The following NBAS variants were observed in gnomAD, a reference collection of about 807,000 sequenced individuals.
NBAS encodes the protein NBAS subunit of NRZ tethering complex.
Under a neutral mutation model 302.5 loss-of-function variants are expected in NBAS, and 219 were observed. The observed-to-expected ratio is 0.72, with a 90% CI of 0.65 to 0.81. NBAS has a LOEUF of 0.81. Among genes scored for constraint, NBAS ranks in the 30% least tolerant of loss-of-function variants. The pLI is 0.00. For missense variants in NBAS, 2,932 were observed against 2,841.6 expected (o/e 1.03, Z -0.72); for synonymous variants, 1,118 against 1,021.6 (o/e 1.09, Z -1.80).
the NBAS span, among the ~76,000 whole-genome samples, chr2:14,893,882 C>A: frequency 6.6e-6 from 1 of 152,292 alleles, no homozygotes; most frequent in African/African-American, 2.4e-5. Context: ...CCATTGTTGC[C>A]AGTCTTTGCA....
chr2:15,221,057 A>G lies in NBAS; in HGVS notation c.6237-2089T>C, dbSNP rs188180283. On this transcript the variant is annotated intron_variant, in intron 47 of 51. Coordinates refer to ENST00000281513, the MANE Select transcript of NBAS (RefSeq NM_015909.4). Reference sequence around the variant, plus strand: ...CATAAATTTAGCAACTCAGTTGTTAATTTTACCTATAAGATTCCTAAATAT... The same window carrying G: ...CATAAATTTAGCAACTCAGTTGTTAGTTTTACCTATAAGATTCCTAAATAT... Among the ~76,000 whole-genome samples, 46 of 152,328 alleles carry G rather than the reference A, an allele frequency of 3.0e-4. 1 individual carries two copies. In the East Asian group the frequency reaches 8.5e-3, roughly 28 times the overall value.
intron 48 of NBAS, among the ~76,000 whole-genome samples, chr2:15,217,321 T>G (rs1388265795): frequency 6.6e-6 from 1 of 152,216 alleles, no homozygotes; most frequent in Non-Finnish European, 1.5e-5. Flanking sequence ...CTTTTTTGAA[T>G]CTCAATTTCT....
At chr2:14,938,380 A>G in the NBAS span, among the ~76,000 whole-genome samples, 1 of 152,216 alleles carries the variant, frequency 6.6e-6, no homozygotes, top group Admixed American at 6.5e-5. Flanking sequence ...TCAAGCAGGG[A>G]TGATTATGTC....
the NBAS span, among the ~76,000 whole-genome samples, chr2:14,970,756 C>T: frequency 6.6e-6 from 1 of 152,226 alleles, no homozygotes; most frequent in African/African-American, 2.4e-5. Context: ...GACAAGTCAA[C>T]TGTACCTTTT....
the NBAS span, among the ~76,000 whole-genome samples, chr2:15,157,754 T>C: frequency 1.3e-5 from 2 of 152,242 alleles, no homozygotes; most frequent in Middle Eastern, 3.4e-3. Context: ...AGGAACATCA[T>C]GGAAAGAAGA....
the NBAS span, among the ~76,000 whole-genome samples, chr2:15,153,793 T>A: frequency 5.9e-5 from 9 of 152,254 alleles, no homozygotes; most frequent in Non-Finnish European, 8.8e-5. Flanking sequence ...CCTCTTTCTA[T>A]GTAAAATGAA....
At chr2:14,870,638 GA>G in the NBAS span, among the ~76,000 whole-genome samples, 54 of 142,874 alleles carry the variant, frequency 3.8e-4, no homozygotes, top group African/African-American at 8.7e-4. Context: ...TCCTAGGAGT[GA>G]AAAAAAAAAG....
chr2:15,371,806 G>A (rs1674498862), intron 31 of NBAS, among the ~76,000 whole-genome samples: 1 of 152,178 alleles, frequency 6.6e-6, no homozygotes, highest in Admixed American at 6.5e-5. Context: ...AACAGAGGCT[G>A]AGGAGGGAGG....
chr2:15,097,934 C>CATATAGATTATATTGTATATAAT, the NBAS span, among the ~76,000 whole-genome samples: 1 of 10,302 alleles, frequency 9.7e-5, no homozygotes, highest in Non-Finnish European at 2.5e-4. Flanking sequence ...ATATATATTA[C>CATATAGATTATATTGTATATAAT]ATATATATTA....
chr2:15,208,328 C>T lies in NBAS; in HGVS notation c.6432+10445G>A, dbSNP rs536342151. On this transcript the variant is annotated intron_variant, in intron 48 of 51. Transcript: ENST00000281513. Reference sequence around the variant, plus strand: ...CACGAGAACAGTATGGGGGAAAGTGCCCCCGTGATTCAATTATCTTCCACT... The same window carrying T: ...CACGAGAACAGTATGGGGGAAAGTGTCCCCGTGATTCAATTATCTTCCACT... 8.5e-5 allele frequency among the ~76,000 whole-genome samples: 13 copies of T among 152,178 alleles called. No individual in the cohort carries two copies. In the South Asian group the frequency reaches 2.3e-3, roughly 27 times the overall value.
chr2:15,146,719 G>A, the NBAS span, among the ~76,000 whole-genome samples: 1 of 152,102 alleles, frequency 6.6e-6, no homozygotes, highest in Non-Finnish European at 1.5e-5. Flanking sequence ...ACATGGCAGA[G>A]CAGATAGATG....
At chr2:15,235,223 G>T (rs1214245325) in intron 45 of NBAS, among the ~76,000 whole-genome samples, 1 of 152,008 alleles carries the variant, frequency 6.6e-6, no homozygotes, top group Non-Finnish European at 1.5e-5. Flanking sequence ...TAATAACCCG[G>T]CAAGTATTTT....
chr2:15,022,484 A>G, the NBAS span, among the ~76,000 whole-genome samples: 2 of 152,238 alleles, frequency 1.3e-5, no homozygotes, highest in South Asian at 2.1e-4. Context: ...AACCTTTTCA[A>G]CTAGATTTAC....
the NBAS span, among the ~76,000 whole-genome samples, chr2:14,916,761 A>G: frequency 1.3e-5 from 2 of 152,290 alleles, no homozygotes; most frequent in East Asian, 3.9e-4. Flanking sequence ...TGCCTCATGT[A>G]TTCAGATATG....
chr2:15,560,092 C>T (rs1664841314), intron 1 of NBAS, among the ~76,000 whole-genome samples: 1 of 152,004 alleles, frequency 6.6e-6, no homozygotes, highest in Admixed American at 6.6e-5. Context: ...AGCAAAGAAA[C>T]ACTCAGAAAA....
intron 9 of NBAS, among the ~76,000 whole-genome samples, chr2:15,528,314 G>A (rs1414135800): frequency 6.0e-5 from 9 of 150,658 alleles, no homozygotes; most frequent in South Asian, 2.1e-4. Flanking sequence ...CCTTTAAGGC[G>A]CTTATTTTCT....
chr2:14,870,171 AG>A, the NBAS span, among the ~76,000 whole-genome samples: 2 of 152,172 alleles, frequency 1.3e-5, no homozygotes. Context: ...CAGTGCAAGG[AG>A]GGGAGCCCAA....
At chr2:15,508,668 C>T (rs1661988427) in intron 10 of NBAS, among the ~76,000 whole-genome samples, 1 of 152,096 alleles carries the variant, frequency 6.6e-6, no homozygotes, top group Non-Finnish European at 1.5e-5. Flanking sequence ...TACAGACACA[C>T]ATAATTTAAA....
chr2:15,122,506 A>T, the NBAS span, among the ~76,000 whole-genome samples: 577 of 152,298 alleles, frequency 3.8e-3, 2 homozygotes, highest in Non-Finnish European at 6.9e-3. Flanking sequence ...TCTGTCCCCC[A>T]TGATCCAATC....
Sources: allele counts gnomAD v4.1 joint callset (sites outside exome capture counted in the v4.1 genomes callset), GRCh38; gene constraint gnomAD v4.1.1; transcripts MANE v1.5; gene names NCBI Gene and HGNC (gene_info 2026-07-23, HGNC 2026-07-21).